SHOC2: variants seen among roughly 807,000 people sequenced by gnomAD.
SHOC2 encodes the protein SHOC2 leucine rich repeat scaffold protein.
A neutral mutation model predicts 50.2 loss-of-function variants in SHOC2; 4 were observed. That is an observed-to-expected ratio of 0.08 (90% CI 0.04 to 0.18). The LOEUF (loss-of-function observed/expected upper bound fraction) is 0.18, where lower values mean the gene tolerates loss of function less well. Ranked by LOEUF, SHOC2 falls within the 10% of genes least tolerant of loss-of-function variation. The probability of loss-of-function intolerance (pLI) is 1.00; values close to 1 mark genes in which losing one functional copy is unlikely to be tolerated. For missense variants in SHOC2, 388 were observed against 669.6 expected, an observed-to-expected ratio of 0.58 and a Z score of 4.64; for synonymous variants, 218 against 244.5, an observed-to-expected ratio of 0.89 and a Z score of 1.01.
chr10:110,996,275 T>A (rs888641107), intron 3 of SHOC2, among the ~76,000 whole-genome samples: 1 of 152,170 alleles, frequency 6.6e-6, no homozygotes, highest in Non-Finnish European at 1.5e-5. Flanking sequence ...ACGCCTGTAA[T>A]CCCAGCATTT....
At chr10:110,938,824 A>G (rs11195382) in intron 1 of SHOC2, among the ~76,000 whole-genome samples, 84,159 of 152,102 alleles carry the variant, frequency 0.55, 25,852 homozygotes, top group Non-Finnish European at 0.69. Flanking sequence ...ACGGTATTCC[A>G]GTACATGTAT....
chr10:110,974,684 C>G (rs1847844369), intron 2 of SHOC2, among the ~76,000 whole-genome samples: 1 of 151,508 alleles, frequency 6.6e-6, no homozygotes, highest in Non-Finnish European at 1.5e-5. Flanking sequence ...TTAGTGTTTC[C>G]TCTAGTGTTT....
chr10:110,923,386 A>G (rs1846693195), intron 1 of SHOC2, among the ~76,000 whole-genome samples: 2 of 152,082 alleles, frequency 1.3e-5, no homozygotes, highest in Admixed American at 6.5e-5. Flanking sequence ...ATATAAATTA[A>G]TGTTCATTCT....
intron 3 of SHOC2, among the ~76,000 whole-genome samples, chr10:110,999,930 C>A (rs1848339215): frequency 6.6e-6 from 1 of 151,928 alleles, no homozygotes; most frequent in African/African-American, 2.4e-5. Context: ...CAGTATGGAA[C>A]CTTTCTGATC....
At chr10:110,962,073 C>T (rs1384013406) in intron 1 of SHOC2, among the ~76,000 whole-genome samples, 2 of 151,828 alleles carry the variant, frequency 1.3e-5, no homozygotes, top group African/African-American at 4.8e-5. Context: ...TTTCTTTTTT[C>T]GTTTTTATCA....
intron 2 of SHOC2, among the ~76,000 whole-genome samples, chr10:110,984,324 C>G (rs1056785537): frequency 6.6e-6 from 1 of 152,002 alleles, no homozygotes; most frequent in Non-Finnish European, 1.5e-5. Context: ...AGTCCATTGC[C>G]CATTTTAAAA....
At chr10:110,920,316 C>G (rs1312110891) in intron 1 of SHOC2, among the ~76,000 whole-genome samples, 1 of 152,118 alleles carries the variant, frequency 6.6e-6, no homozygotes, top group African/African-American at 2.4e-5. Flanking sequence ...GCAACCTCTC[C>G]CCGTGATAGC....
At chr10:111,005,555 T>C (rs1001125027) in intron 5 of SHOC2, among the ~76,000 whole-genome samples, 3 of 152,254 alleles carry the variant, frequency 2.0e-5, no homozygotes, top group African/African-American at 7.2e-5. Flanking sequence ...GTTTTTAATA[T>C]GCTTAATTGT....
chr10:110,997,638 A>C (rs1385144881), intron 3 of SHOC2, among the ~76,000 whole-genome samples: 10 of 152,216 alleles, frequency 6.6e-5, no homozygotes, highest in Non-Finnish European at 1.3e-4. Context: ...CATACTACAG[A>C]ATGAAAATTA....
chr10:110,972,764 T>C (rs139261374), intron 2 of SHOC2, among the ~76,000 whole-genome samples: 126 of 151,990 alleles, frequency 8.3e-4, no homozygotes, highest in Middle Eastern at 3.4e-3. Context: ...CTGAGTCCGG[T>C]AGGTTGAGGC....
At chr10:110,979,005 AATC>A (rs1226272517) in intron 2 of SHOC2, among the ~76,000 whole-genome samples, 4 of 152,208 alleles carry the variant, frequency 2.6e-5, no homozygotes, top group Non-Finnish European at 5.9e-5. Context: ...TTATAACAAC[AATC>A]ATTTGTTATC....
chr10:110,926,034 C>G (rs948350555), intron 1 of SHOC2, among the ~76,000 whole-genome samples: 22 of 152,254 alleles, frequency 1.4e-4, no homozygotes, highest in African/African-American at 5.3e-4. Flanking sequence ...TGGTTACTAC[C>G]TCATGCACTC....
At chr10:110,977,631 G>A (rs1230055907) in intron 2 of SHOC2, among the ~76,000 whole-genome samples, 1 of 152,276 alleles carries the variant, frequency 6.6e-6, no homozygotes, top group African/African-American at 2.4e-5. Flanking sequence ...TCTTTTAATA[G>A]TGCTGGACTT....
chr10:110,921,454 T>C (rs940395429), intron 1 of SHOC2, among the ~76,000 whole-genome samples: 1 of 152,210 alleles, frequency 6.6e-6, no homozygotes, highest in Non-Finnish European at 1.5e-5. Context: ...AGCCAACATA[T>C]AAAACAATAT....
At chr10:110,924,884 A>G (rs1325262165) in intron 1 of SHOC2, among the ~76,000 whole-genome samples, 1 of 151,924 alleles carries the variant, frequency 6.6e-6, no homozygotes, top group African/African-American at 2.4e-5. Context: ...AGCCTGGCCA[A>G]TGTAGCGAAA....
chr10:110,933,053 T>C (rs879898445), intron 1 of SHOC2, among the ~76,000 whole-genome samples: 3 of 152,212 alleles, frequency 2.0e-5, no homozygotes, highest in Non-Finnish European at 2.9e-5. Context: ...AGTAGATATA[T>C]TAAGTTCTTT....
intron 2 of SHOC2, among the ~76,000 whole-genome samples, chr10:110,979,388 C>G (rs1463101745): frequency 6.6e-6 from 1 of 152,194 alleles, no homozygotes; most frequent in Admixed American, 6.5e-5. Flanking sequence ...TTGCCATATT[C>G]TGTTGGTAAG....
chr10:110,920,065 G>C (rs1431063034), intron 1 of SHOC2: 1 of 150,596 alleles, frequency 6.6e-6, no homozygotes, highest in Non-Finnish European at 1.5e-5. Flanking sequence ...TCGGCTCCCT[G>C]GGCCCCCGGG....
At chr10:110,924,135 T>C (rs1272239074) in intron 1 of SHOC2, among the ~76,000 whole-genome samples, 1 of 152,232 alleles carries the variant, frequency 6.6e-6, no homozygotes, top group Non-Finnish European at 1.5e-5. Flanking sequence ...TATTTCTTAG[T>C]AACTACAGTT....
Sources: allele counts gnomAD v4.1 joint callset (sites outside exome capture counted in the v4.1 genomes callset), GRCh38; gene constraint gnomAD v4.1.1; transcripts MANE v1.5; gene names NCBI Gene and HGNC (gene_info 2026-07-23, HGNC 2026-07-21).